FOXK2: variants seen among roughly 807,000 people sequenced by gnomAD.
The protein encoded by FOXK2 is forkhead box K2.
FOXK2 carries 24 observed loss-of-function variants against 53.3 expected under a neutral mutation model. The ratio of observed to expected loss-of-function variants is 0.45; its 90% confidence interval spans 0.33 to 0.63. The LOEUF (loss-of-function observed/expected upper bound fraction) is 0.63. Among genes scored for constraint, FOXK2 ranks in the 30% least tolerant of loss-of-function variants. The probability of loss-of-function intolerance (pLI) is 0.03; values close to 1 mark genes in which losing one functional copy is unlikely to be tolerated. For synonymous variants in FOXK2, 505 were observed against 407.1 expected (o/e 1.24, Z -2.89); for missense variants, 952 against 910.5 (o/e 1.05, Z -0.59).
At chr17:82,526,875 C>G (rs2044424035) in intron 1 of FOXK2, among the ~76,000 whole-genome samples, 1 of 151,512 alleles carries the variant, frequency 6.6e-6, no homozygotes, top group African/African-American at 2.4e-5. Flanking sequence ...GCCTGGTCAG[C>G]TCTTTGCCGA....
At chr17:82,579,258 T>C (rs1260841828) in intron 4 of FOXK2, among the ~76,000 whole-genome samples, 1 of 152,230 alleles carries the variant, frequency 6.6e-6, no homozygotes, top group African/African-American at 2.4e-5. Flanking sequence ...TTGGCAAAGC[T>C]TTGCCTTCTC....
At chr17:82,527,104 G>A (rs987721172) in intron 1 of FOXK2, among the ~76,000 whole-genome samples, 8 of 152,120 alleles carry the variant, frequency 5.3e-5, no homozygotes, top group Non-Finnish European at 1.0e-4. Context: ...GGACACAGGA[G>A]TTGGCATGTG....
At position 82,571,784 on chromosome 17, in the gene FOXK2, C is replaced by T; in HGVS notation, c.823C>T (p.Pro275Ser). The change falls in exon 4 of 9, where the codon CCC (proline) becomes TCC (serine). Residue 275 changes from proline (P) to serine (S), a missense_variant. This residue lies in a region of FOXK2 where 160 missense variants were observed against 214.2 expected (regional missense o/e 0.75). Coordinates refer to ENST00000335255, the MANE Select transcript of FOXK2 (RefSeq NM_004514.4). Reference protein sequence around the residue: ...QLIVQAITMAPDKQLTLNGIY... With the variant: ...QLIVQAITMASDKQLTLNGIY... The stretch of plus-strand genomic sequence containing the variant: ...GATAGTTCAGGCGATTACGATGGCT[C>T]CCGACAAACAGCTCACCCTGAACGG... The T allele has an allele frequency of 8.1e-6, 13 of 1,603,406 alleles. No homozygotes were observed. Among genetic ancestry groups the T allele is most frequent in the East Asian group, 2.3e-5 (1 of 43,504 alleles).
chr17:82,575,992 ACGT>A (rs1567979834), intron 4 of FOXK2, among the ~76,000 whole-genome samples: 4 of 81,186 alleles, frequency 4.9e-5, no homozygotes, highest in African/African-American at 1.1e-4. Flanking sequence ...GTTCGTCCAC[ACGT>A]CCACACCAGC....
At chr17:82,587,338 G>T (rs572018810) in intron 8 of FOXK2, 66 bp downstream of exon 8, 2 of 1,264,276 alleles carry the variant, frequency 1.6e-6, no homozygotes, top group African/African-American at 1.5e-5. Flanking sequence ...CTTCTCACTC[G>T]TGGTTTCGGT....
At chr17:82,564,672 AT>A (rs11355699) in intron 2 of FOXK2, among the ~76,000 whole-genome samples, 5,204 of 143,926 alleles carry the variant, frequency 0.036, 297 homozygotes, top group African/African-American at 0.12. Context: ...TTTTTTCTTT[AT>A]TTTTTTTTTA....
At chr17:82,574,050 C>T (rs564242615) in intron 4 of FOXK2, among the ~76,000 whole-genome samples, 46 of 152,344 alleles carry the variant, frequency 3.0e-4, no homozygotes, top group African/African-American at 1.1e-3. Context: ...TGCTTTCTGT[C>T]GTCTATTGCA....
intron 8 of FOXK2, among the ~76,000 whole-genome samples, chr17:82,594,323 C>G (rs2143162885): frequency 6.6e-6 from 1 of 152,164 alleles, no homozygotes; most frequent in East Asian, 1.9e-4. Context: ...ACGGTGAAAC[C>G]CTGTCTCCAC....
At chr17:82,553,835 CT>C (rs557049053) in intron 1 of FOXK2, among the ~76,000 whole-genome samples, 88 of 149,128 alleles carry the variant, frequency 5.9e-4, no homozygotes, top group Non-Finnish European at 1.0e-3. Flanking sequence ...CTTTCAAGTA[CT>C]TTTTTTTTTA....
chr17:82,560,853 C>T (rs1164483494), intron 1 of FOXK2, among the ~76,000 whole-genome samples: 1 of 152,120 alleles, frequency 6.6e-6, no homozygotes. Flanking sequence ...CCCAGCTACT[C>T]AGGAAGTTGA....
At chr17:82,523,356 C>G (rs149704800) in intron 1 of FOXK2, among the ~76,000 whole-genome samples, 1 of 152,098 alleles carries the variant, frequency 6.6e-6, no homozygotes, top group Non-Finnish European at 1.5e-5. Context: ...TATTTCAGCA[C>G]TTCCTTTTTT....
chr17:82,586,809 G>T (rs2045180247), intron 7 of FOXK2, among the ~76,000 whole-genome samples: 2 of 152,212 alleles, frequency 1.3e-5, no homozygotes, highest in South Asian at 4.1e-4. Flanking sequence ...GCTGAGGCGG[G>T]AGAATCACTT....
At chr17:82,598,669 T>C (rs1005471615) in intron 8 of FOXK2, among the ~76,000 whole-genome samples, 5 of 152,242 alleles carry the variant, frequency 3.3e-5, no homozygotes, top group African/African-American at 4.8e-5. Flanking sequence ...ATTAAGCTGT[T>C]AGTGAGGGCA....
intron 1 of FOXK2, among the ~76,000 whole-genome samples, chr17:82,523,039 C>G (rs61737550): frequency 4.6e-5 from 7 of 152,104 alleles, no homozygotes; most frequent in African/African-American, 1.7e-4. Context: ...GTGATCCACC[C>G]GCCTTGGCCT....
intron 4 of FOXK2, among the ~76,000 whole-genome samples, chr17:82,581,781 TG>T: frequency 6.6e-6 from 1 of 152,102 alleles, no homozygotes; most frequent in East Asian, 1.9e-4. Flanking sequence ...GGCCAATTTT[TG>T]TATGTTCAGT....
rs2044386857 is a variant in FOXK2 at position 82,523,461 on chromosome 17, T to A, written c.419+3154T>A. On this transcript the variant is annotated intron_variant, in intron 1 of 8. Coordinates refer to ENST00000335255, the MANE Select transcript of FOXK2 (RefSeq NM_004514.4). ...TGGTACCAGTGAAATGCAGATAAATTGTTTAAAATCTTTTTTTTTTTTTTT... is the reference window on the plus strand; with the variant it reads ...TGGTACCAGTGAAATGCAGATAAATAGTTTAAAATCTTTTTTTTTTTTTTT... Among the ~76,000 whole-genome samples, 3 of 150,690 alleles carry A rather than the reference T, an allele frequency of 2.0e-5. No individual in the cohort carries two copies. In the South Asian group the frequency reaches 6.4e-4, roughly 32 times the overall value.
chr17:82,584,238 C>T (rs549650969), intron 6 of FOXK2, 50 bp downstream of exon 6: 49 of 1,498,422 alleles, frequency 3.3e-5, no homozygotes, highest in East Asian at 2.7e-4. Flanking sequence ...GAGCCAGACG[C>T]GGACGCCTGG....
At position 82,602,365 on chromosome 17, in the gene FOXK2, C is replaced by T. The variant is rs1294426304; in HGVS notation, c.*866C>T. On this transcript the variant is annotated 3_prime_UTR_variant, in exon 9 of 9. Coordinates refer to ENST00000335255, the MANE Select transcript of FOXK2 (RefSeq NM_004514.4). ...TGACTTTGTCCCTGGCAAAATTTTC[C>T]ACTCTGAGTAAAACAAGTCTCCTAA... The T allele has an allele frequency of 1.3e-5, 2 of 152,206 alleles. No homozygotes were observed. The highest frequency in any genetic ancestry group is 4.8e-5 in the African/African-American group (2 of 41,454). 9.4% of individuals were successfully genotyped at this position (152,206 alleles called of 1,614,324 possible). A position where few individuals can be genotyped will look rare whatever the true frequency, so the allele number is the denominator to read the frequency against.
At chr17:82,536,712 G>A (rs1188511852) in intron 1 of FOXK2, among the ~76,000 whole-genome samples, 1 of 152,214 alleles carries the variant, frequency 6.6e-6, no homozygotes, top group Non-Finnish European at 1.5e-5. Flanking sequence ...CGCAGAGGGG[G>A]CCTTTTGCCC....
Sources: gnomAD v4.1 joint callset for allele counts (sites outside exome capture counted in the v4.1 genomes callset) on GRCh38, gnomAD v4.1.1 for gene constraint, gnomAD v4.1.1 regional missense constraint, MANE v1.5 for transcripts, NCBI Gene and HGNC (gene_info 2026-07-23, HGNC 2026-07-21) for gene names.